The following CREB3L3 variants were observed in gnomAD, a reference collection of about 807,000 sequenced individuals.
CREB3L3 encodes cyclic AMP-responsive element-binding protein 3-like protein 3.
In CREB3L3, 40 loss-of-function variants were observed where a neutral mutation model predicts 44.6. The ratio of observed to expected loss-of-function variants is 0.90; its 90% CI spans 0.70 to 1.17. CREB3L3 has a LOEUF of 1.17. Among genes scored for constraint, CREB3L3 ranks in the 50% most tolerant of loss-of-function variants. CREB3L3 has a pLI of 0.00. For missense variants in CREB3L3, 578 were observed against 595.8 expected, an observed-to-expected ratio of 0.97 and a Z score of 0.31; for synonymous variants, 273 against 256.3, an observed-to-expected ratio of 1.06 and a Z score of -0.62.
chr19:4,155,054 G>T lies in CREB3L3; in HGVS notation c.156+27G>T, dbSNP rs777784764. ...TGAGGAGTCCACTGCAGTTGCCCCG[G>T]GACCACAGAGCTCCAGGCGGGCCAA... is the stretch of plus-strand genomic sequence containing the variant. On this transcript the variant is annotated intron_variant, in intron 2 of 9. Transcript: ENST00000078445. 69 of 1,601,124 alleles carry T rather than the reference G, an allele frequency of 4.3e-5. No individual in the cohort carries two copies. The East Asian group carries it at 1.5e-3, about 36-fold the overall frequency.
intron 6 of CREB3L3, 130 bp from the exon 7 acceptor site, chr19:4,170,010 T>G: frequency 1.1e-6 from 1 of 875,274 alleles, no homozygotes; most frequent in Non-Finnish European, 1.9e-6. Flanking sequence ...CGAGTAACCT[T>G]GGATGAATGA....
chr19:4,156,106 TCTCTCTCTCTCTC>T (rs1324165537), intron 2 of CREB3L3, among the ~76,000 whole-genome samples: 1 of 132,000 alleles, frequency 7.6e-6, no homozygotes, highest in African/African-American at 3.0e-5. Flanking sequence ...TCTCTCTCTC[TCTCTCTCTCTCTC>T]CCCCCCTCTC....
chr19:4,167,290 C>T (rs1346184019), intron 5 of CREB3L3, among the ~76,000 whole-genome samples: 1 of 147,794 alleles, frequency 6.8e-6, no homozygotes, highest in Non-Finnish European at 1.5e-5. Flanking sequence ...TTGCAGTGAG[C>T]TGAGATCTTG....
rs368324133 is a variant in CREB3L3 at position 4,159,685 on chromosome 19, G to A, written c.479G>A (p.Arg160Lys). ...IDLEMWSPGG[R>K]ICAEKPADPV... Reference sequence around the variant, plus strand: ...TCAGAAATGTGGAGCCCAGGAGGAAGGATCTGTGCTGAGAAGCCGGCTGAT... The same window carrying A: ...TCAGAAATGTGGAGCCCAGGAGGAAAGATCTGTGCTGAGAAGCCGGCTGAT... Residue 160 changes from arginine to lysine, a missense_variant, in exon 4 of 10, where the codon AGG (arginine) becomes AAG (lysine). Arg to Lys is a conservative substitution (Grantham distance 26). Transcript: ENST00000078445. 2.5e-6 allele frequency: 4 copies of A among 1,568,772 alleles called. No homozygotes were observed. The African/African-American group carries it at 5.4e-5, about 21-fold the overall frequency.
chr19:4,162,588 G>T (rs1235386660), intron 4 of CREB3L3, among the ~76,000 whole-genome samples: 1 of 150,966 alleles, frequency 6.6e-6, no homozygotes, highest in Admixed American at 6.7e-5. Context: ...GGAGGCAGAG[G>T]CAGGAGGATC....
intron 5 of CREB3L3, among the ~76,000 whole-genome samples, chr19:4,165,842 A>C (rs1275720530): frequency 2.6e-5 from 4 of 152,212 alleles, no homozygotes; most frequent in East Asian, 1.9e-4. Context: ...GTACCACTGC[A>C]CTCCAGCCTG....
intron 2 of CREB3L3, among the ~76,000 whole-genome samples, chr19:4,156,590 C>T (rs539764018): frequency 2.6e-5 from 4 of 150,970 alleles, no homozygotes; most frequent in African/African-American, 7.3e-5. Flanking sequence ...CTGCAGCCTC[C>T]GTCTTACGGG....
At chr19:4,167,320 G>A (rs1327933270) in intron 5 of CREB3L3, among the ~76,000 whole-genome samples, 1 of 136,914 alleles carries the variant, frequency 7.3e-6, no homozygotes. Flanking sequence ...TCCAGCCTGG[G>A]TGACAAGAGC....
intron 3 of CREB3L3, among the ~76,000 whole-genome samples, chr19:4,157,623 G>C (rs966205289): frequency 1.3e-5 from 2 of 152,198 alleles, no homozygotes; most frequent in Non-Finnish European, 2.9e-5. Flanking sequence ...CCCAAAGTCA[G>C]GGTCTTGCCT....
In CREB3L3 at chr19:4,164,626, C is replaced by G. The variant is rs199855279; in HGVS notation, c.700C>G (p.Leu234Val). The G allele has an allele frequency of 5.4e-4, 868 of 1,614,072 alleles. 7 individuals carry two copies. The South Asian group carries it at 6.5e-3, about 12-fold the overall frequency. ...AGAAGGCATCACCCTGCCCACTCAG[C>G]TGCCCCTCACTAAGGTGAGTCTGGG... ...AKEGITLPTQ[L>V]PLTKYEERVL... Residue 234 changes from leucine (L) to valine (V), a missense_variant, in exon 5 of 10, where the codon CTG becomes GTG. Transcript: ENST00000078445.
intron 6 of CREB3L3, among the ~76,000 whole-genome samples, chr19:4,169,584 C>CT (rs34259250): frequency 0.094 from 8,964 of 95,044 alleles, 945 homozygotes; most frequent in Non-Finnish European, 0.11. Flanking sequence ...GGAGGCTCAG[C>CT]TTTTTTTTTT....
chr19:4,167,218 C>T (rs1031298252), intron 5 of CREB3L3, among the ~76,000 whole-genome samples: 1 of 151,934 alleles, frequency 6.6e-6, no homozygotes, highest in African/African-American at 2.4e-5. Flanking sequence ...TGTTGTGCAC[C>T]TGTAATCCCA....
At chr19:4,157,670 AT>A (rs1036509772) in intron 3 of CREB3L3, among the ~76,000 whole-genome samples, 7 of 151,266 alleles carry the variant, frequency 4.6e-5, no homozygotes, top group African/African-American at 1.2e-4. Flanking sequence ...TTCCTAGTAG[AT>A]TTTTTTTTAT....
Position 4,164,585 on chromosome 19 carries a change from A to T in CREB3L3, c.659A>T (p.Lys220Met). Residue 220 changes from lysine to methionine, a missense_variant, in exon 5 of 10, where the codon AAG (lysine) becomes ATG (methionine). By Grantham distance (95) the Lys-to-Met change is moderately conservative (BLOSUM62 -1). Coordinates refer to ENST00000078445, the MANE Select transcript of CREB3L3 (RefSeq NM_032607.3). The part of the protein sequence containing the change: ...CQELVLTEDE[K>M]KLLAKEGITL... ...GAGCTGGTGCTCACCGAGGATGAGA[A>T]GAAGCTGCTGGCTAAAGAAGGCATC... 2 of 1,614,130 alleles carry T rather than the reference A, an allele frequency of 1.2e-6. No homozygotes were observed. Among genetic ancestry groups the T allele is most frequent in the Non-Finnish European group, 1.7e-6 (2 of 1,180,030 alleles).
Position 4,171,442 on chromosome 19 carries a change from C to G in CREB3L3, c.1035C>G (p.Asn345Lys), listed in dbSNP as rs1438089504. The G allele has an allele frequency of 3.1e-6, 5 of 1,614,146 alleles. No homozygotes were observed. Among genetic ancestry groups the G allele is most frequent in the Non-Finnish European group, 1.7e-6 (2 of 1,180,014 alleles). Reference sequence around the variant, plus strand: ...CCTCCATCAGCCCTTTTGGCCCCAACAAAACCGAGAGCCCTGGGGACTTTG... The same window carrying G: ...CCTCCATCAGCCCTTTTGGCCCCAAGAAAACCGAGAGCCCTGGGGACTTTG... ...ILPSISPFGP[N>K]KTESPGDFAP... Residue 345 changes from asparagine to lysine, a missense_variant, in exon 9 of 10, where the codon AAC becomes AAG. Transcript: ENST00000078445. The surrounding 1 kb of genome is among the most constrained non-coding windows in gnomAD (Gnocchi z 4.9).
intron 6 of CREB3L3, among the ~76,000 whole-genome samples, chr19:4,168,903 C>G (rs893191821): frequency 6.6e-6 from 1 of 151,916 alleles, no homozygotes; most frequent in Non-Finnish European, 1.5e-5. Context: ...CAGCTAATTT[C>G]TTTGTATTTT....
At chr19:4,166,277 G>A (rs1033002036) in intron 5 of CREB3L3, among the ~76,000 whole-genome samples, 6 of 150,466 alleles carry the variant, frequency 4.0e-5, no homozygotes, top group Non-Finnish European at 8.9e-5. Context: ...TTCCTGAGAC[G>A]GAGTTTCGCT....
rs1298621357 is a variant in CREB3L3 at position 4,154,987 on chromosome 19, A to T, written c.116A>T (p.His39Leu). 6.2e-7 allele frequency: 1 copy of T among 1,612,254 alleles called. No homozygotes were observed. Among genetic ancestry groups the T allele is most frequent in the Non-Finnish European group, 8.5e-7 (1 of 1,180,018 alleles). Residue 39 changes from histidine (H) to leucine (L), a missense_variant, in exon 2 of 10, where the codon CAC becomes CTC. Physicochemically the swap from His to Leu is moderately conservative, Grantham distance 99. Coordinates refer to ENST00000078445, the MANE Select transcript of CREB3L3 (RefSeq NM_032607.3). ...GACCGGCAGGACGGCATCCTGAGAC[A>T]CGTGGAGCTGGGCGAGGGCTGGGGT... ...LFDRQDGILR[H>L]VELGEGWGHV... is the part of the protein sequence containing the mutation.
At chr19:4,159,857 C>T in intron 4 of CREB3L3, 75 bp downstream of exon 4, 2 of 781,286 alleles carry the variant, frequency 2.6e-6, no homozygotes, top group South Asian at 2.7e-5. Context: ...CTAAATATCC[C>T]CGTTTCAGAG....
Sources: gnomAD v4.1 joint callset for allele counts (sites outside exome capture counted in the v4.1 genomes callset) on GRCh38, gnomAD v4.1.1 for gene constraint, Gnocchi (gnomAD v3.1) non-coding constraint, MANE v1.5 for transcripts, NCBI Gene and HGNC (gene_info 2026-07-23, HGNC 2026-07-21) for gene names.